TRAPPC12: variants seen among roughly 807,000 people sequenced by gnomAD.
TRAPPC12 encodes the protein trafficking protein particle complex subunit 12.
A neutral mutation model predicts 69.2 loss-of-function variants in TRAPPC12; 61 were observed. That is an observed-to-expected ratio of 0.88 (90% CI 0.72 to 1.09). The LOEUF (loss-of-function observed/expected upper bound fraction) is 1.09, where lower values mean the gene tolerates loss of function less well. Ranked by LOEUF, TRAPPC12 falls within the 50% of genes least tolerant of loss-of-function variation. TRAPPC12 has a pLI of 0.00. For missense variants in TRAPPC12, 1,101 were observed against 1,016.4 expected, an observed-to-expected ratio of 1.08 and a Z score of -1.13; for synonymous variants, 469 against 438.9, an observed-to-expected ratio of 1.07 and a Z score of -0.86.
chr2:3,420,631 C>T (rs145072901), intron 3 of TRAPPC12, among the ~76,000 whole-genome samples: 4 of 152,256 alleles, frequency 2.6e-5, no homozygotes, highest in East Asian at 1.9e-4. Flanking sequence ...CCCCCCACAC[C>T]GCCGCTGTGG....
At chr2:3,442,808 T>C (rs1461448329) in intron 5 of TRAPPC12, among the ~76,000 whole-genome samples, 1 of 152,220 alleles carries the variant, frequency 6.6e-6, no homozygotes, top group African/African-American at 2.4e-5. Flanking sequence ...ATTAAGTGGC[T>C]TGCAGAAGTC....
chr2:3,457,853 A>G (rs976802756), intron 7 of TRAPPC12, 160 bp downstream of exon 7: 5 of 1,449,196 alleles, frequency 3.5e-6, no homozygotes, highest in African/African-American at 2.8e-5. Context: ...GGGGAAGCCA[A>G]GCACATCACT....
At chr2:3,459,303 G>A (rs1284230413) in intron 7 of TRAPPC12, among the ~76,000 whole-genome samples, 2 of 152,242 alleles carry the variant, frequency 1.3e-5, no homozygotes, top group Non-Finnish European at 2.9e-5. Context: ...CACAGCACAG[G>A]CGCAAGGAGC....
intron 6 of TRAPPC12, among the ~76,000 whole-genome samples, chr2:3,450,377 G>A (rs1167796370): frequency 1.3e-5 from 2 of 152,186 alleles, no homozygotes; most frequent in Non-Finnish European, 2.9e-5. Context: ...GGTATGAGGG[G>A]CCCAGAGGAC....
In TRAPPC12 at chr2:3,479,178, C is replaced by T. The variant is rs191676328; in HGVS notation, c.1966-41C>T. The stretch of plus-strand genomic sequence containing the variant: ...AGCCTGGAATGGGCGGGCGTCTGTC[C>T]TGGTTGTGTGGGCCAACCCTGGGCG... On this transcript the variant is annotated intron_variant, in intron 11 of 11. Coordinates refer to ENST00000324266, the MANE Select transcript of TRAPPC12 (RefSeq NM_016030.6). The T allele has an allele frequency of 2.9e-3, 4,556 of 1,597,986 alleles. 12 individuals are homozygous for T. Among genetic ancestry groups the T allele is most frequent in the Non-Finnish European group, 3.2e-3 (3,774 of 1,170,902 alleles).
intron 9 of TRAPPC12, among the ~76,000 whole-genome samples, chr2:3,470,150 C>T (rs1665997738): frequency 6.6e-6 from 1 of 152,194 alleles, no homozygotes; most frequent in Non-Finnish European, 1.5e-5. Flanking sequence ...GCAGAGGGAC[C>T]CACATAGCTG....
intron 3 of TRAPPC12, among the ~76,000 whole-genome samples, chr2:3,420,813 G>A (rs189866392): frequency 8.1e-4 from 123 of 152,320 alleles, no homozygotes; most frequent in Non-Finnish European, 1.4e-3. Flanking sequence ...GGAGTAGTGC[G>A]TGTGTGAGTT....
chr2:3,430,131 C>T (rs7582210), intron 5 of TRAPPC12, among the ~76,000 whole-genome samples: 3,977 of 152,258 alleles, frequency 0.026, 164 homozygotes, highest in African/African-American at 0.09. Context: ...TTTTTCCCCA[C>T]TTTCCATTAT....
At chr2:3,382,583 A>G (rs1660267147) in intron 1 of TRAPPC12, among the ~76,000 whole-genome samples, 1 of 152,182 alleles carries the variant, frequency 6.6e-6, no homozygotes, top group Non-Finnish European at 1.5e-5. Context: ...ACGACCACAT[A>G]TTTATTGTCT....
At chr2:3,421,374 G>T (rs796984414) in intron 3 of TRAPPC12, among the ~76,000 whole-genome samples, 19 of 152,290 alleles carry the variant, frequency 1.2e-4, no homozygotes, top group African/African-American at 4.3e-4. Flanking sequence ...TGTTCACCCA[G>T]TTCATTGATT....
chr2:3,392,004 C>A (rs1660852672), intron 2 of TRAPPC12, among the ~76,000 whole-genome samples: 1 of 152,146 alleles, frequency 6.6e-6, no homozygotes, highest in Non-Finnish European at 1.5e-5. Context: ...TAACCTATTG[C>A]TTCCCAACTG....
intron 5 of TRAPPC12, among the ~76,000 whole-genome samples, chr2:3,434,893 CCAGG>C (rs1663662002): frequency 2.0e-5 from 3 of 152,352 alleles, no homozygotes; most frequent in Admixed American, 2.0e-4. Flanking sequence ...CCACAGAACC[CCAGG>C]CAGTCCCCTT....
chr2:3,445,371 C>G (rs1031240445), intron 6 of TRAPPC12, among the ~76,000 whole-genome samples: 2 of 152,030 alleles, frequency 1.3e-5, no homozygotes, highest in African/African-American at 4.8e-5. Flanking sequence ...GGCAACAGAG[C>G]AAGACTCTGT....
chr2:3,395,560 C>CTTTTT (rs10671671), intron 2 of TRAPPC12, among the ~76,000 whole-genome samples: 4 of 118,130 alleles, frequency 3.4e-5, no homozygotes, highest in South Asian at 2.9e-4. Context: ...AAAATTATTA[C>CTTTTT]TTTTTTTTTT....
intron 3 of TRAPPC12, among the ~76,000 whole-genome samples, chr2:3,404,947 G>A (rs1346403741): frequency 6.6e-6 from 1 of 151,932 alleles, no homozygotes; most frequent in East Asian, 1.9e-4. Flanking sequence ...GGAGAAAGAT[G>A]GAACATTTCT....
intron 9 of TRAPPC12, among the ~76,000 whole-genome samples, chr2:3,471,618 A>C (rs12714377): frequency 6.6e-6 from 1 of 152,108 alleles, no homozygotes; most frequent in South Asian, 2.1e-4. Flanking sequence ...TGTTGTAAGC[A>C]AGATTGAAGT....
intron 10 of TRAPPC12, 118 bp from the exon 11 acceptor site, chr2:3,478,728 C>T (rs1048014099): frequency 1.5e-5 from 12 of 805,278 alleles, no homozygotes; most frequent in East Asian, 5.1e-5. Flanking sequence ...TCAGGAACCC[C>T]GGGCCACACA....
intron 9 of TRAPPC12, among the ~76,000 whole-genome samples, chr2:3,471,584 A>G (rs1666064198): frequency 6.6e-6 from 1 of 152,198 alleles, no homozygotes; most frequent in Admixed American, 6.5e-5. Context: ...CCCAGTGGGA[A>G]TTTCCAGTTC....
chr2:3,407,950 C>G (rs1288692015), intron 3 of TRAPPC12, among the ~76,000 whole-genome samples: 1 of 152,178 alleles, frequency 6.6e-6, no homozygotes, highest in Non-Finnish European at 1.5e-5. Context: ...AGAACTGGCT[C>G]TGGCTCTCAC....
Sources: gnomAD v4.1 joint callset for allele counts (sites outside exome capture counted in the v4.1 genomes callset) on GRCh38, gnomAD v4.1.1 for gene constraint, MANE v1.5 for transcripts, NCBI Gene and HGNC (gene_info 2026-07-23, HGNC 2026-07-21) for gene names.